The following ASIC2 variants were observed in gnomAD, a reference collection of about 807,000 sequenced individuals.
ASIC2 encodes acid sensing ion channel subunit 2.
Under a neutral mutation model 57.3 loss-of-function variants are expected in ASIC2, and 25 were observed. That is an observed-to-expected ratio of 0.44 (90% CI 0.32 to 0.61). ASIC2 has a LOEUF of 0.61. ASIC2 is among the 20% of genes least tolerant of loss of function. The pLI is 0.06. For missense variants in ASIC2, 641 were observed against 738.1 expected, an observed-to-expected ratio of 0.87 and a Z score of 1.52; for synonymous variants, 319 against 307.5, an observed-to-expected ratio of 1.04 and a Z score of -0.39.
At chr17:33,831,106 C>CAAAAAA (rs56841196) in intron 1 of ASIC2, among the ~76,000 whole-genome samples, 1 of 22,964 alleles carries the variant, frequency 4.4e-5, no homozygotes, top group African/African-American at 1.8e-4. Context: ...AAGGCTCTGT[C>CAAAAAA]AAAAAAAAAA....
At chr17:33,500,304 C>G (rs527647862) in intron 1 of ASIC2, among the ~76,000 whole-genome samples, 1 of 152,146 alleles carries the variant, frequency 6.6e-6, no homozygotes, top group African/African-American at 2.4e-5. Context: ...TGTGACAGGC[C>G]AAAGTAGCAA....
At chr17:33,206,387 C>T (rs1379140950) in intron 1 of ASIC2, among the ~76,000 whole-genome samples, 2 of 152,110 alleles carry the variant, frequency 1.3e-5, no homozygotes. Context: ...GTGAGGTAAG[C>T]AGTGTTTCTG....
At chr17:34,040,706 A>G (rs1336212748) in intron 1 of ASIC2, among the ~76,000 whole-genome samples, 2 of 152,100 alleles carry the variant, frequency 1.3e-5, no homozygotes, top group Admixed American at 6.5e-5. Flanking sequence ...CTTCAAGGGT[A>G]GTTTCCAGTG....
intron 1 of ASIC2, among the ~76,000 whole-genome samples, chr17:33,756,694 GAGAACCTCTTTA>G (rs72031612): frequency 0.34 from 51,002 of 151,976 alleles, 10,561 homozygotes; most frequent in Non-Finnish European, 0.49. Context: ...TAAACACTTA[GAGAACCTCTTTA>G]AGAAGGTAAA....
chr17:33,856,786 G>A (rs8076325), intron 1 of ASIC2, among the ~76,000 whole-genome samples: 49,129 of 151,882 alleles, frequency 0.32, 8,475 homozygotes, highest in East Asian at 0.62. Context: ...CTGAGAGACC[G>A]CGACAGGTAG....
At chr17:34,150,091 A>T (rs1298142769) in intron 1 of ASIC2, among the ~76,000 whole-genome samples, 2 of 152,256 alleles carry the variant, frequency 1.3e-5, no homozygotes, top group Admixed American at 6.5e-5. Flanking sequence ...TTGTGACAAC[A>T]TAGATGAACC....
At chr17:33,140,569 C>G (rs995264767) in intron 1 of ASIC2, among the ~76,000 whole-genome samples, 2 of 152,200 alleles carry the variant, frequency 1.3e-5, no homozygotes, top group African/African-American at 4.8e-5. Flanking sequence ...ATTGTACAAG[C>G]CCATGAAAAG....
At chr17:33,193,673 G>C (rs894176241) in intron 1 of ASIC2, among the ~76,000 whole-genome samples, 3 of 152,172 alleles carry the variant, frequency 2.0e-5, no homozygotes, top group African/African-American at 7.2e-5. Flanking sequence ...TCTGAGATCT[G>C]ATCTAGGCCT....
intron 3 of ASIC2, among the ~76,000 whole-genome samples, chr17:33,088,251 T>C (rs902966946): frequency 6.6e-6 from 1 of 152,194 alleles, no homozygotes; most frequent in African/African-American, 2.4e-5. Flanking sequence ...GCCTCCTTAC[T>C]GAGAGTTTGC....
chr17:34,091,723 T>C (rs182576419), intron 1 of ASIC2, among the ~76,000 whole-genome samples: 1 of 152,332 alleles, frequency 6.6e-6, no homozygotes, highest in East Asian at 1.9e-4. Context: ...ATGGCACTAT[T>C]GAATCAAAGT....
chr17:33,359,831 G>T (rs1448369550), intron 1 of ASIC2, among the ~76,000 whole-genome samples: 7 of 152,172 alleles, frequency 4.6e-5, no homozygotes, highest in African/African-American at 1.7e-4. Context: ...TTTGAGAAAG[G>T]AAGTACATGC....
chr17:33,924,426 C>G (rs1915779752), intron 1 of ASIC2, among the ~76,000 whole-genome samples: 1 of 152,192 alleles, frequency 6.6e-6, no homozygotes, highest in Non-Finnish European at 1.5e-5. Context: ...ACTACATTGA[C>G]AAAACTCTCA....
chr17:33,817,950 A>G (rs372754723), intron 1 of ASIC2, among the ~76,000 whole-genome samples: 4 of 152,152 alleles, frequency 2.6e-5, no homozygotes, highest in African/African-American at 7.2e-5. Context: ...TCTATACAGC[A>G]CATGGTTTCG....
chr17:33,611,240 T>C (rs1905400232), intron 1 of ASIC2, among the ~76,000 whole-genome samples: 1 of 152,158 alleles, frequency 6.6e-6, no homozygotes, highest in Admixed American at 6.6e-5. Context: ...TCCTGGTCTG[T>C]GCTGGATGGT....
intron 1 of ASIC2, among the ~76,000 whole-genome samples, chr17:33,714,985 TTTATTA>T (rs71364615): frequency 9.8e-5 from 14 of 142,198 alleles, no homozygotes; most frequent in African/African-American, 3.5e-4. Context: ...GCCAGGCTAA[TTTATTA>T]TTATTATTAT....
intron 3 of ASIC2, among the ~76,000 whole-genome samples, chr17:33,057,493 G>C (rs1375656601): frequency 6.6e-6 from 1 of 152,182 alleles, no homozygotes; most frequent in Non-Finnish European, 1.5e-5. Context: ...ATGATGGCTG[G>C]AAGCCAATGC....
chr17:33,850,073 C>T (rs1024999835), intron 1 of ASIC2, among the ~76,000 whole-genome samples: 37 of 152,202 alleles, frequency 2.4e-4, no homozygotes, highest in African/African-American at 9.7e-5. Flanking sequence ...CTTGCCTTAT[C>T]GAAGATTAGA....
At chr17:33,156,735 G>A (rs1179394464) in intron 1 of ASIC2, among the ~76,000 whole-genome samples, 2 of 152,040 alleles carry the variant, frequency 1.3e-5, no homozygotes, top group African/African-American at 2.4e-5. Context: ...CAGCCTGGGC[G>A]ACAGAGCGAG....
In ASIC2 at chr17:33,364,531, C is replaced by T. The variant is rs190660252; in HGVS notation, c.556-252464G>A. 8.5e-5 allele frequency among the ~76,000 whole-genome samples: 13 copies of T among 152,196 alleles called. No individual in the cohort carries two copies. In the East Asian group the frequency reaches 2.1e-3, roughly 25 times the overall value. ...GGGGTGGATTCCCCCTTGCTGTTCT[C>T]GTGATAGTGAGTGAGTTCTCATGAG... is the stretch of plus-strand genomic sequence containing the variant. On this transcript the variant is annotated intron_variant, in intron 1 of 9. Coordinates refer to the ASIC2 transcript ENST00000359872.
Sources: gnomAD v4.1 joint callset for allele counts (sites outside exome capture counted in the v4.1 genomes callset) on GRCh38, gnomAD v4.1.1 for gene constraint, MANE v1.5 for transcripts, NCBI Gene and HGNC (gene_info 2026-07-23, HGNC 2026-07-21) for gene names.